Variants in TMPRSS9 observed in about 807,000 individuals in gnomAD.
TMPRSS9 encodes the protein transmembrane serine protease 9.
A neutral mutation model predicts 111.4 loss-of-function variants in TMPRSS9; 113 were observed. The observed-to-expected ratio is 1.01, with a 90% CI of 0.87 to 1.19. TMPRSS9 has a LOEUF of 1.19. Ranked by LOEUF, TMPRSS9 falls within the 50% of genes most tolerant of loss-of-function variation. The probability of loss-of-function intolerance (pLI) is 0.00; values close to 1 mark genes in which losing one functional copy is unlikely to be tolerated. For missense variants in TMPRSS9, 1,803 were observed against 1,513.1 expected, an observed-to-expected ratio of 1.19 and a Z score of -3.18; for synonymous variants, 805 against 659.1, an observed-to-expected ratio of 1.22 and a Z score of -3.39.
At position 2,422,256 on chromosome 19, in the gene TMPRSS9, A is replaced by T; in HGVS notation, c.2548+9A>T. 6.7e-7 allele frequency: 1 copy of T among 1,499,544 alleles called. No homozygotes were observed. Among genetic ancestry groups the T allele is most frequent in the South Asian group, 1.3e-5 (1 of 74,732 alleles). The allele number at this position is 1,499,544 out of a possible 1,614,324, so 92.9% of individuals were successfully genotyped here. On this transcript the variant is annotated intron_variant, in intron 14 of 17. Transcript: ENST00000648592. The stretch of plus-strand genomic sequence containing the variant: ...ACACACCCAGCTACCAGGTACCGGG[A>T]GAGACGGAGGGATCCCTGGGAGTGG...
At chr19:2,392,472 T>A (rs1192667812) in intron 1 of TMPRSS9, among the ~76,000 whole-genome samples, 1 of 152,172 alleles carries the variant, frequency 6.6e-6, no homozygotes, top group Non-Finnish European at 1.5e-5. Flanking sequence ...TCTGGGACGC[T>A]GAAACGGGAG....
At chr19:2,386,449 G>T (rs1025181282), upstream of TMPRSS9, among the ~76,000 whole-genome samples, 9 of 151,326 alleles carry the variant, frequency 5.9e-5, no homozygotes, top group African/African-American at 2.2e-4. Flanking sequence ...AGCTTGCAGT[G>T]AGCCGAGATC....
intron 7 of TMPRSS9, among the ~76,000 whole-genome samples, chr19:2,407,829 G>T (rs1245701868): frequency 6.6e-6 from 1 of 151,630 alleles, no homozygotes; most frequent in Admixed American, 6.6e-5. Flanking sequence ...CTGTCGCCCA[G>T]GCTGGAGTGC....
At chr19:2,416,463 C>A in intron 11 of TMPRSS9, 75 bp from the exon 13 acceptor site, 1 of 1,532,278 alleles carries the variant, frequency 6.5e-7, no homozygotes. Context: ...TGGGGGTGTG[C>A]ATCAGCCCTG....
chr19:2,409,784 G>A (rs1971056174), intron 8 of TMPRSS9, among the ~76,000 whole-genome samples: 1 of 152,080 alleles, frequency 6.6e-6, no homozygotes, highest in Non-Finnish European at 1.5e-5. Context: ...TAGCAAGGGT[G>A]GTGCTGGCTG....
At chr19:2,408,515 C>T (rs1199759947) in exon 8 of TMPRSS9, 2 of 1,613,866 alleles carry the variant, frequency 1.2e-6, no homozygotes, top group Admixed American at 1.7e-5. Flanking sequence ...AGCTGACCAG[C>T]CCTCTGCCTT....
At chr19:2,370,906 G>A (rs113952130) in intron 1 of TMPRSS9, among the ~76,000 whole-genome samples, 2 of 152,078 alleles carry the variant, frequency 1.3e-5, no homozygotes, top group African/African-American at 4.8e-5. Flanking sequence ...AGGCTGCAGT[G>A]AGCCGAGATC....
At chr19:2,393,183 A>G (rs1273034651) in intron 1 of TMPRSS9, among the ~76,000 whole-genome samples, 3 of 152,144 alleles carry the variant, frequency 2.0e-5, no homozygotes, top group East Asian at 1.9e-4. Flanking sequence ...CACAGTGTAG[A>G]GGATTTGTTT....
At chr19:2,407,055 C>T (rs1970983888) in intron 7 of TMPRSS9, among the ~76,000 whole-genome samples, 1 of 151,918 alleles carries the variant, frequency 6.6e-6, no homozygotes. Context: ...CCGTCTCTGC[C>T]TCCCAAAGTG....
intron 1 of TMPRSS9, among the ~76,000 whole-genome samples, chr19:2,393,412 C>G (rs1026959504): frequency 6.6e-6 from 1 of 152,132 alleles, no homozygotes; most frequent in African/African-American, 2.4e-5. Context: ...AGCAAGACCA[C>G]GAACCCACCA....
At chr19:2,422,665 C>T (rs993103709) in intron 14 of TMPRSS9, among the ~76,000 whole-genome samples, 2 of 151,948 alleles carry the variant, frequency 1.3e-5, no homozygotes, top group Non-Finnish European at 2.9e-5. Flanking sequence ...GCGGGTGGAT[C>T]GCCAGAGGTC....
intron 10 of TMPRSS9, among the ~76,000 whole-genome samples, chr19:2,414,420 A>G (rs879046209): frequency 1.3e-5 from 2 of 151,920 alleles, no homozygotes; most frequent in African/African-American, 4.8e-5. Context: ...TTGTATTTTT[A>G]GTAGAGACGG....
chr19:2,408,548 G>T, exon 8 of TMPRSS9: 1 of 1,613,678 alleles, frequency 6.2e-7, no homozygotes, highest in Non-Finnish European at 8.5e-7. Flanking sequence ...TCCAGCCCGT[G>T]TGCCTCCCGG....
intron 1 of TMPRSS9, among the ~76,000 whole-genome samples, chr19:2,360,910 G>C: frequency 6.6e-6 from 1 of 151,254 alleles, no homozygotes; most frequent in Non-Finnish European, 1.5e-5. Context: ...GGACGTAGCC[G>C]GGATTGTGTG....
chr19:2,424,404 A>T (rs915019166), intron 15 of TMPRSS9, 147 bp downstream of exon 16: 3 of 754,860 alleles, frequency 4.0e-6, no homozygotes, highest in Non-Finnish European at 4.9e-6. Context: ...CACTCCTCCC[A>T]CCCCCCATCT....
chr19:2,411,332 AAGAG>A (rs1568184869), intron 9 of TMPRSS9, among the ~76,000 whole-genome samples: 2 of 139,730 alleles, frequency 1.4e-5, no homozygotes, highest in Admixed American at 7.2e-5. Flanking sequence ...AAAAAAAAAA[AAGAG>A]AAAATCAGGG....
chr19:2,418,263 C>T, intron 13 of TMPRSS9, 125 bp downstream of exon 14: 1 of 1,069,302 alleles, frequency 9.4e-7, no homozygotes, highest in Non-Finnish European at 1.2e-6. Context: ...TCCTTCCCTC[C>T]TTGTCCTTCC....
chr19:2,365,327 T>C (rs756558415), intron 1 of TMPRSS9, among the ~76,000 whole-genome samples: 3 of 150,950 alleles, frequency 2.0e-5, no homozygotes, highest in Admixed American at 6.6e-5. Context: ...AAAAAGACCA[T>C]AGACAAAATG....
chr19:2,414,984 C>T (rs1428530719), intron 10 of TMPRSS9, among the ~76,000 whole-genome samples: 3 of 140,960 alleles, frequency 2.1e-5, no homozygotes, highest in East Asian at 2.1e-4. Context: ...TCACTCTTGT[C>T]GCCCAGGCTG....
Sources: allele counts gnomAD v4.1 joint callset (sites outside exome capture counted in the v4.1 genomes callset), GRCh38; gene constraint gnomAD v4.1.1; transcripts MANE v1.5; gene names NCBI Gene and HGNC (gene_info 2026-07-23, HGNC 2026-07-21).